The following COG5 variants were observed in gnomAD, a reference collection of about 807,000 sequenced individuals.
COG5 encodes the protein conserved oligomeric Golgi complex subunit 5.
Under a neutral mutation model 110.4 loss-of-function variants are expected in COG5, and 86 were observed. The observed-to-expected ratio is 0.78, with a 90% CI of 0.65 to 0.93. COG5 has a LOEUF of 0.93. Ranked by LOEUF, COG5 falls within the 40% of genes least tolerant of loss-of-function variation. COG5 has a pLI of 0.00. For missense variants in COG5, 1,077 were observed against 987.0 expected, an observed-to-expected ratio of 1.09 and a Z score of -1.22; for synonymous variants, 360 against 334.6, an observed-to-expected ratio of 1.08 and a Z score of -0.83.
intron 19 of COG5, among the ~76,000 whole-genome samples, chr7:107,217,229 TAA>T (rs1351352887): frequency 6.6e-6 from 1 of 151,394 alleles, no homozygotes; most frequent in East Asian, 1.9e-4. Context: ...CAATAATGAG[TAA>T]AGAGATTGGA....
rs1236022535 is a variant in COG5 at position 107,211,128 on chromosome 7, C to G, written c.2266G>C (p.Ala756Pro). 1 of 1,614,076 alleles carries G rather than the reference C, an allele frequency of 6.2e-7. No homozygotes were observed. Among genetic ancestry groups the G allele is most frequent in the Admixed American group, 1.7e-5 (1 of 60,018 alleles). Residue 756 changes from alanine to proline, a missense_variant, in exon 20 of 22, where the codon GCA becomes CCA. Transcript: ENST00000297135. ...AAAGGAGATTTCAGTTCAGCGGGTG[C>G]TCTCGTGAACAAAAACTGAATAATG... ...SIIIQFLFTRAPAELKSPFQR... is the reference protein window; with the variant it reads ...SIIIQFLFTRPPAELKSPFQR...
chr7:107,529,802 G>A (rs1289998429), intron 5 of COG5, among the ~76,000 whole-genome samples: 1 of 152,060 alleles, frequency 6.6e-6, no homozygotes, highest in Non-Finnish European at 1.5e-5. Flanking sequence ...CTCTTTTTCT[G>A]CCTTATGCCC....
chr7:107,268,686 A>G, intron 14 of COG5, among the ~76,000 whole-genome samples: 1 of 152,216 alleles, frequency 6.6e-6, no homozygotes, highest in Admixed American at 6.5e-5. Context: ...AAGGTGTATC[A>G]TAATTCTTTA....
intron 17 of COG5, among the ~76,000 whole-genome samples, chr7:107,238,760 G>A (rs1801396599): frequency 6.6e-6 from 1 of 152,114 alleles, no homozygotes; most frequent in African/African-American, 2.4e-5. Flanking sequence ...GATGTTGAAT[G>A]TTTTTTCACA....
At chr7:107,438,348 T>A (rs77487103) in intron 6 of COG5, among the ~76,000 whole-genome samples, 20 of 152,228 alleles carry the variant, frequency 1.3e-4, no homozygotes, top group African/African-American at 4.6e-4. Flanking sequence ...TTTATTCCCA[T>A]AAATTTACCT....
intron 16 of COG5, chr7:107,253,083 A>G (rs558276615): frequency 1.4e-4 from 21 of 152,302 alleles, no homozygotes; most frequent in African/African-American, 5.0e-4. Context: ...GATCCTGGAC[A>G]GTGAAACAAG....
chr7:107,362,281 GT>G (rs745343761), intron 9 of COG5, 26 bp downstream of exon 9: 9 of 1,556,444 alleles, frequency 5.8e-6, no homozygotes, highest in Non-Finnish European at 8.0e-6. Context: ...CCATATTAAT[GT>G]TTTTTCCACT....
At chr7:107,310,148 C>G (rs1177318425) in intron 11 of COG5, among the ~76,000 whole-genome samples, 3 of 152,186 alleles carry the variant, frequency 2.0e-5, no homozygotes, top group Non-Finnish European at 4.4e-5. Context: ...CTCTCCCAAA[C>G]TATAGTTAAT....
intron 5 of COG5, among the ~76,000 whole-genome samples, chr7:107,539,371 A>G (rs1440713850): frequency 6.6e-6 from 1 of 152,246 alleles, no homozygotes; most frequent in African/African-American, 2.4e-5. Context: ...ATGACATTAA[A>G]TAAGAACTTA....
intron 10 of COG5, among the ~76,000 whole-genome samples, chr7:107,347,841 C>T (rs1811761161): frequency 6.6e-6 from 1 of 151,936 alleles, no homozygotes; most frequent in Admixed American, 6.5e-5. Context: ...TAAAGGGCAT[C>T]GAAGGCCAGG....
At chr7:107,511,524 A>C (rs1383252391) in intron 6 of COG5, among the ~76,000 whole-genome samples, 1 of 152,216 alleles carries the variant, frequency 6.6e-6, no homozygotes, top group Non-Finnish European at 1.5e-5. Flanking sequence ...AAAAAGAGGG[A>C]ATCCTCCCTA....
At chr7:107,377,536 T>G (rs1207433089) in intron 7 of COG5, among the ~76,000 whole-genome samples, 1 of 152,190 alleles carries the variant, frequency 6.6e-6, no homozygotes, top group African/African-American at 2.4e-5. Flanking sequence ...TTGGCTTCTA[T>G]TGGATTTTGT....
At chr7:107,206,618 C>T (rs1039840321) in intron 21 of COG5, among the ~76,000 whole-genome samples, 4 of 152,288 alleles carry the variant, frequency 2.6e-5, no homozygotes, top group Non-Finnish European at 4.4e-5. Context: ...TGTTTAAATT[C>T]ACAGGAACTA....
intron 14 of COG5, among the ~76,000 whole-genome samples, chr7:107,279,152 G>C (rs1804951992): frequency 6.6e-6 from 1 of 152,092 alleles, no homozygotes; most frequent in African/African-American, 2.4e-5. Flanking sequence ...CTTCTCAAAA[G>C]AAGACATATA....
At chr7:107,510,534 T>C (rs1402779844) in intron 6 of COG5, among the ~76,000 whole-genome samples, 1 of 152,228 alleles carries the variant, frequency 6.6e-6, no homozygotes, top group African/African-American at 2.4e-5. Flanking sequence ...AACTCAGCTC[T>C]GCACCAAGCG....
At chr7:107,476,149 G>A (rs868044051) in intron 6 of COG5, among the ~76,000 whole-genome samples, 8 of 120,722 alleles carry the variant, frequency 6.6e-5, no homozygotes, top group Middle Eastern at 5.9e-3. Flanking sequence ...TTAAGTCTAA[G>A]CCAAATGCTC....
intron 11 of COG5, among the ~76,000 whole-genome samples, chr7:107,322,119 T>A (rs1029022403): frequency 6.6e-6 from 1 of 152,188 alleles, no homozygotes; most frequent in African/African-American, 2.4e-5. Flanking sequence ...GTGGTCAACA[T>A]CTGCTATGGT....
intron 6 of COG5, among the ~76,000 whole-genome samples, chr7:107,515,079 T>C (rs1343863873): frequency 6.6e-6 from 1 of 152,196 alleles, no homozygotes; most frequent in African/African-American, 2.4e-5. Flanking sequence ...CCTAATTGTT[T>C]GATAAATAAA....
intron 6 of COG5, among the ~76,000 whole-genome samples, chr7:107,419,281 G>C (rs1056089490): frequency 2.6e-5 from 4 of 151,978 alleles, no homozygotes; most frequent in Admixed American, 2.6e-4. Flanking sequence ...ATTTTAATAT[G>C]TGATAGCCTA....
Sources: allele counts gnomAD v4.1 joint callset (sites outside exome capture counted in the v4.1 genomes callset), GRCh38; gene constraint gnomAD v4.1.1; transcripts MANE v1.5; gene names NCBI Gene and HGNC (gene_info 2026-07-23, HGNC 2026-07-21).